CSMD1: variants seen among roughly 807,000 people sequenced by gnomAD.
CSMD1 encodes CUB and sushi domain-containing protein 1.
A neutral mutation model predicts 417.5 loss-of-function variants in CSMD1; 213 were observed. That is an observed-to-expected ratio of 0.51 (90% CI 0.46 to 0.57). The LOEUF (loss-of-function observed/expected upper bound fraction) is 0.57, where lower values mean the gene tolerates loss of function less well. Ranked by LOEUF, CSMD1 falls within the 20% of genes least tolerant of loss-of-function variation. The pLI is 0.00. For missense variants in CSMD1, 6,923 were observed against 4,529.7 expected, an observed-to-expected ratio of 1.53 and a Z score of -15.17; for synonymous variants, 2,862 against 1,736.8, an observed-to-expected ratio of 1.65 and a Z score of -16.11.
In CSMD1 at chr8:4,080,248, G is replaced by C. The variant is rs76323009; in HGVS notation, c.416-48149C>G. ...TCCTTAAAACCCATCATCACTGCCT[G>C]CTTTTAAACAATGACTCCTACTTGA... On this transcript the variant is annotated intron_variant, in intron 3 of 69. Transcript: ENST00000635120. Among the ~76,000 whole-genome samples, 41 of 152,182 alleles carry C rather than the reference G, an allele frequency of 2.7e-4. 2 individuals are homozygous for C. The East Asian group carries it at 7.8e-3, about 29-fold the overall frequency.
intron 3 of CSMD1, among the ~76,000 whole-genome samples, chr8:4,360,978 A>C (rs974727108): frequency 6.6e-6 from 1 of 152,186 alleles, no homozygotes; most frequent in East Asian, 1.9e-4. Context: ...CTGACAGTAG[A>C]TATTTGACTA....
chr8:3,081,147 G>T (rs113072628), intron 49 of CSMD1, among the ~76,000 whole-genome samples: 7 of 152,190 alleles, frequency 4.6e-5, no homozygotes, highest in Non-Finnish European at 1.0e-4. Context: ...TTGGTAGCTG[G>T]AGGGCCTAAA....
intron 3 of CSMD1, among the ~76,000 whole-genome samples, chr8:4,202,379 C>A (rs1331342653): frequency 6.6e-6 from 1 of 152,088 alleles, no homozygotes; most frequent in Non-Finnish European, 1.5e-5. Flanking sequence ...ACACTTTTTT[C>A]TTCTAACAGT....
intron 3 of CSMD1, among the ~76,000 whole-genome samples, chr8:4,396,462 C>G (rs1159821030): frequency 2.6e-5 from 4 of 152,126 alleles, no homozygotes; most frequent in Non-Finnish European, 4.4e-5. Context: ...AGAGTGACAG[C>G]CAGTCTCACT....
chr8:4,222,504 ATAT>A (rs1801100607), intron 3 of CSMD1, among the ~76,000 whole-genome samples: 3 of 152,312 alleles, frequency 2.0e-5, no homozygotes, highest in African/African-American at 4.8e-5. Context: ...ATAGTTGTTA[ATAT>A]TATTATTGTT....
chr8:4,773,261 T>C (rs1289330635), intron 1 of CSMD1, among the ~76,000 whole-genome samples: 5 of 148,914 alleles, frequency 3.4e-5, no homozygotes, highest in Admixed American at 2.0e-4. Context: ...TTTGGAATTA[T>C]AGATTAGGGA....
At chr8:3,911,932 T>C (rs2554719) in intron 5 of CSMD1, among the ~76,000 whole-genome samples, 6,460 of 152,284 alleles carry the variant, frequency 0.042, 441 homozygotes, top group African/African-American at 0.15. Flanking sequence ...CCTCTATGTG[T>C]TTTCCCTATA....
intron 10 of CSMD1, among the ~76,000 whole-genome samples, chr8:3,548,675 C>CACAG (rs1798780332): frequency 6.8e-6 from 1 of 147,034 alleles, no homozygotes; most frequent in African/African-American, 2.5e-5. Flanking sequence ...CACACACACA[C>CACAG]ACACACACAC....
At chr8:3,554,532 G>C (rs186256561) in intron 10 of CSMD1, among the ~76,000 whole-genome samples, 5 of 152,134 alleles carry the variant, frequency 3.3e-5, no homozygotes, top group African/African-American at 4.8e-5. Context: ...GAGATAATTG[G>C]TACCCCCAGC....
At chr8:4,801,757 G>C (rs529766903) in intron 1 of CSMD1, among the ~76,000 whole-genome samples, 27 of 150,496 alleles carry the variant, frequency 1.8e-4, no homozygotes, top group African/African-American at 6.4e-4. Context: ...GAAACTTTGT[G>C]AGGCAAAAAG....
At chr8:4,962,147 T>C (rs976363894) in intron 1 of CSMD1, among the ~76,000 whole-genome samples, 1 of 151,242 alleles carries the variant, frequency 6.6e-6, no homozygotes, top group Non-Finnish European at 1.5e-5. Flanking sequence ...TTTACAACTA[T>C]CCAGTGAAAC....
intron 3 of CSMD1, among the ~76,000 whole-genome samples, chr8:4,106,433 T>C (rs182559580): frequency 1.1e-4 from 16 of 152,194 alleles, no homozygotes; most frequent in Non-Finnish European, 2.2e-4. Flanking sequence ...TCAAACTCTA[T>C]AGAATTTTAC....
chr8:3,906,198 C>G (rs1201391699), intron 5 of CSMD1, among the ~76,000 whole-genome samples: 1 of 152,048 alleles, frequency 6.6e-6, no homozygotes, highest in East Asian at 1.9e-4. Context: ...AAGTGAATCA[C>G]AAGTGCTTCA....
chr8:3,415,050 C>T (rs1051936954), intron 12 of CSMD1, among the ~76,000 whole-genome samples: 1 of 152,112 alleles, frequency 6.6e-6, no homozygotes, highest in South Asian at 2.1e-4. Flanking sequence ...ACAACAGATG[C>T]TTTTCTAAAT....
intron 12 of CSMD1, among the ~76,000 whole-genome samples, chr8:3,451,821 A>T (rs1370214716): frequency 6.6e-6 from 1 of 152,068 alleles, no homozygotes; most frequent in Admixed American, 6.5e-5. Context: ...TTCCATATGA[A>T]CTTTAAAGTA....
intron 11 of CSMD1, among the ~76,000 whole-genome samples, chr8:3,491,742 G>C (rs1018568272): frequency 6.6e-6 from 1 of 152,204 alleles, no homozygotes; most frequent in African/African-American, 2.4e-5. Flanking sequence ...GATAAGGTGA[G>C]TATAACAGAC....
chr8:4,077,674 G>A (rs910293193), intron 3 of CSMD1, among the ~76,000 whole-genome samples: 2 of 152,058 alleles, frequency 1.3e-5, no homozygotes, highest in Admixed American at 6.6e-5. Flanking sequence ...TCTTTTTCAT[G>A]TATTTGTTTC....
At chr8:4,003,256 G>C (rs778620994) in intron 4 of CSMD1, among the ~76,000 whole-genome samples, 5 of 152,046 alleles carry the variant, frequency 3.3e-5, no homozygotes, top group Non-Finnish European at 7.4e-5. Flanking sequence ...AGCTGGGTGT[G>C]GTGACGGGCA....
At chr8:4,987,196 A>C (rs1192690300) in intron 1 of CSMD1, among the ~76,000 whole-genome samples, 1 of 152,196 alleles carries the variant, frequency 6.6e-6, no homozygotes, top group East Asian at 1.9e-4. Flanking sequence ...TCCATCCAAA[A>C]TCCACTTATT....
Sources: allele counts gnomAD v4.1 joint callset (sites outside exome capture counted in the v4.1 genomes callset), GRCh38; gene constraint gnomAD v4.1.1; transcripts MANE v1.5; gene names NCBI Gene and HGNC (gene_info 2026-07-23, HGNC 2026-07-21).